PCDH20: variants seen among roughly 807,000 people sequenced by gnomAD.
PCDH20 encodes the protein protocadherin 20, also known as protocadherin-20.
PCDH20 carries 18 observed loss-of-function variants against 39.7 expected under a neutral mutation model. That is an observed-to-expected ratio of 0.45 (90% CI 0.31 to 0.67). PCDH20 has a LOEUF of 0.67. Among genes scored for constraint, PCDH20 ranks in the 30% least tolerant of loss-of-function variants. PCDH20 has a pLI of 0.05. For synonymous variants in PCDH20, 495 were observed against 455.4 expected (o/e 1.09, Z -1.11); for missense variants, 1,161 against 1,167.4 (o/e 0.99, Z 0.08).
intron 1 of PCDH20, among the ~76,000 whole-genome samples, chr13:61,414,787 A>C (rs1871500865): frequency 6.6e-6 from 1 of 152,180 alleles, no homozygotes; most frequent in Non-Finnish European, 1.5e-5. Context: ...CGCACCCCCG[A>C]TGCCCTCGAC....
At chr13:61,411,175 C>G in exon 2 of PCDH20, 1 of 1,360,274 alleles carries the variant, frequency 7.4e-7, no homozygotes, top group Non-Finnish European at 1.0e-6. Flanking sequence ...CATCAACACA[C>G]TCTTTTTTAG....
chr13:61,412,942 A>G, exon 2 of PCDH20: 1 of 1,614,158 alleles, frequency 6.2e-7, no homozygotes, highest in South Asian at 1.1e-5. Context: ...ACTTCCTCCA[A>G]TCTTACTGAA....
chr13:61,412,467 G>T (rs561712771), exon 2 of PCDH20: 8 of 1,613,984 alleles, frequency 5.0e-6, no homozygotes, highest in South Asian at 1.1e-5. Context: ...TGTTCTCTTC[G>T]ATGGTTAGTT....
chr13:61,411,941 G>T, exon 2 of PCDH20: 1 of 1,614,018 alleles, frequency 6.2e-7, no homozygotes, highest in Non-Finnish European at 8.5e-7. Context: ...GAGAGGGCAG[G>T]CTCACCCCCA....
chr13:61,412,396 C>T, exon 2 of PCDH20: 1 of 1,614,130 alleles, frequency 6.2e-7, no homozygotes, highest in Non-Finnish European at 8.5e-7. Flanking sequence ...TGAAACTTGG[C>T]CTCTCTCCTC....
At chr13:61,412,527 T>C in exon 2 of PCDH20, 1 of 1,614,132 alleles carries the variant, frequency 6.2e-7, no homozygotes. Context: ...CATCTAAAAG[T>C]TGCACTTTAA....
At chr13:61,412,145 A>G in exon 2 of PCDH20, 1 of 1,614,104 alleles carries the variant, frequency 6.2e-7, no homozygotes, top group Non-Finnish European at 8.5e-7. Flanking sequence ...TAGCCTGGAA[A>G]GTTTTCAGGC....
exon 2 of PCDH20, chr13:61,411,041 T>C: frequency 2.0e-6 from 1 of 488,160 alleles, no homozygotes; most frequent in Non-Finnish European, 3.6e-6. Context: ...TAGCTGTTAG[T>C]ACTAATTTTC....
At chr13:61,414,040 C>T in intron 1 of PCDH20, 74 bp from the exon 2 acceptor site, 1 of 1,339,040 alleles carries the variant, frequency 7.5e-7, no homozygotes, top group Non-Finnish European at 1.0e-6. Context: ...ACTAGCGCCC[C>T]TGTGATCCTT....
At chr13:61,413,894 G>A (rs1358032431) in exon 2 of PCDH20, 6 of 1,613,668 alleles carry the variant, frequency 3.7e-6, no homozygotes, top group African/African-American at 1.3e-5. Flanking sequence ...AGGCTGTACA[G>A]AAGCTCGGTG....
At chr13:61,413,531 A>T in exon 2 of PCDH20, 1 of 1,614,100 alleles carries the variant, frequency 6.2e-7, no homozygotes, top group Non-Finnish European at 8.5e-7. Flanking sequence ...ACAAACCTGA[A>T]GTATTCCTGA....
exon 2 of PCDH20, chr13:61,411,270 T>C: frequency 6.2e-7 from 1 of 1,613,272 alleles, no homozygotes; most frequent in East Asian, 2.2e-5. Flanking sequence ...CCATTGGCTT[T>C]CTCTCTCGCA....
exon 2 of PCDH20, chr13:61,413,813 C>G: frequency 6.2e-7 from 1 of 1,612,968 alleles, no homozygotes; most frequent in South Asian, 1.1e-5. Flanking sequence ...GGCCTCCCTG[C>G]AGACCTGGGC....
At chr13:61,411,483 G>C (rs1878244989) in exon 2 of PCDH20, 1 of 1,614,082 alleles carries the variant, frequency 6.2e-7, no homozygotes, top group East Asian at 2.2e-5. Context: ...GTTCTATTGA[G>C]ATTTGTGGTT....
At chr13:61,413,883 T>G in exon 2 of PCDH20, 4 of 1,613,758 alleles carry the variant, frequency 2.5e-6, no homozygotes, top group South Asian at 1.1e-5. Flanking sequence ...GTCCCTCGTT[T>G]AGGCTGTACA....
rs143227895 is a variant in PCDH20, at chr13:61,412,614, C to T, written c.1485G>A (p.Met495Ile). 9 of 1,613,930 alleles carry T rather than the reference C, an allele frequency of 5.6e-6. No homozygotes were observed. The highest frequency in any genetic ancestry group is 2.7e-5 in the African/African-American group (2 of 74,906). Reference sequence around the variant, plus strand: ...CATAGAACTGCTGTAGCTCATAGTCCATAGGTTTTGTGGTCTCTAGTAAAT... The same window carrying T: ...CATAGAACTGCTGTAGCTCATAGTCTATAGGTTTTGTGGTCTCTAGTAAAT... Residue 495 changes from methionine (M) to isoleucine (I), a missense_variant, in exon 2 of 2, where the codon ATG becomes ATA. Coordinates refer to ENST00000409204, the Ensembl canonical transcript of PCDH20.
exon 1 of PCDH20, chr13:61,415,162 C>T (rs1396063799): frequency 1.4e-6 from 2 of 1,417,318 alleles, no homozygotes; most frequent in Non-Finnish European, 1.9e-6. Context: ...CGCGCATTCC[C>T]TGGGAGGCTG....
chr13:61,410,496 A>C (rs1458516037), exon 2 of PCDH20: 2 of 152,462 alleles, frequency 1.3e-5, no homozygotes, highest in East Asian at 3.9e-4. Context: ...AAGAATATAT[A>C]TATGTATGTA....
chr13:61,415,015 C>T lies in PCDH20; in HGVS notation c.132+12G>A. Reference sequence around the variant, plus strand: ...TGTCGGGGTCGCGGGGTTCCTTGACCCTAACCCTTACCGGCAGGTTCCTGT... The same window carrying T: ...TGTCGGGGTCGCGGGGTTCCTTGACTCTAACCCTTACCGGCAGGTTCCTGT... On this transcript the variant is annotated intron_variant, in intron 1 of 1. Transcript: ENST00000409204. 2 of 1,459,236 alleles carry T rather than the reference C, an allele frequency of 1.4e-6. No homozygotes were observed. Among genetic ancestry groups the T allele is most frequent in the Non-Finnish European group, 1.8e-6 (2 of 1,093,386 alleles). 90.4% of individuals were successfully genotyped at this position (1,459,236 alleles called of 1,614,324 possible).
Sources: allele counts gnomAD v4.1 joint callset (sites outside exome capture counted in the v4.1 genomes callset), GRCh38; gene constraint gnomAD v4.1.1; transcripts MANE v1.5; gene names NCBI Gene and HGNC (gene_info 2026-07-23, HGNC 2026-07-21).